Variants in DMD observed in about 807,000 individuals in gnomAD.
DMD encodes dystrophin, also known as mutant dystrophin.
In DMD, 63 loss-of-function variants were observed where a neutral mutation model predicts 330.1. The observed-to-expected ratio is 0.19, with a 90% confidence interval of 0.16 to 0.24. DMD has a LOEUF of 0.24. DMD is among the 10% of genes least tolerant of loss of function. The pLI is 1.00. For missense variants in DMD, 3,344 were observed against 2,684.1 expected, an observed-to-expected ratio of 1.25 and a Z score of -5.43; for synonymous variants, 1,223 against 959.8, an observed-to-expected ratio of 1.27 and a Z score of -5.07.
chrX:32,445,828 T>C (rs1480174782), intron 27 of DMD, among the ~76,000 whole-genome samples: 1 of 111,212 alleles, frequency 9.0e-6, no homozygotes, highest in African/African-American at 3.2e-5. Context: ...CAATAAAATA[T>C]TGAGAAATGG....
chrX:32,014,346 A>G (rs1453719638), intron 44 of DMD, among the ~76,000 whole-genome samples: 1 of 110,737 alleles, frequency 9.0e-6, no homozygotes, highest in Non-Finnish European at 1.9e-5. Context: ...GGTGATATGT[A>G]TGATTGTATG....
At chrX:33,158,147 T>C (rs1344963167) in intron 1 of DMD, among the ~76,000 whole-genome samples, 1 of 112,095 alleles carries the variant, frequency 8.9e-6, no homozygotes, top group Non-Finnish European at 1.9e-5. Flanking sequence ...TGCCTATATA[T>C]TTCTGTGTTG....
At chrX:32,464,813 G>GTC in intron 23 of DMD, 114 bp from the exon 24 acceptor site, 1 of 563,972 alleles carries the variant, frequency 1.8e-6, no homozygotes, top group African/African-American at 2.2e-5. Context: ...TTTAAAGGAT[G>GTC]TCTCTAAGTA....
intron 57 of DMD, among the ~76,000 whole-genome samples, chrX:31,488,220 G>C (rs2068971534): frequency 8.9e-6 from 1 of 112,108 alleles, no homozygotes; most frequent in Admixed American, 9.5e-5. Context: ...AGCTGACCTT[G>C]AGAGATCACT....
At chrX:32,758,062 C>T (rs2071740606) in intron 7 of DMD, among the ~76,000 whole-genome samples, 1 of 111,919 alleles carries the variant, frequency 8.9e-6, no homozygotes, top group Non-Finnish European at 1.9e-5. Context: ...GTACAGTTAC[C>T]TATTATGGTC....
intron 67 of DMD, among the ~76,000 whole-genome samples, chrX:31,195,134 T>C (rs1437701653): frequency 8.9e-6 from 1 of 112,182 alleles, no homozygotes; most frequent in African/African-American, 3.2e-5. Context: ...GTTCTGAAGA[T>C]AATGAGCAGG....
At chrX:32,610,203 C>G (rs1301666439) in intron 12 of DMD, among the ~76,000 whole-genome samples, 3 of 110,869 alleles carry the variant, frequency 2.7e-5, no homozygotes, top group Admixed American at 9.6e-5. Context: ...GTTTACTCCC[C>G]AGAAAGACTC....
At chrX:32,596,085 A>G (rs779837459) in intron 12 of DMD, among the ~76,000 whole-genome samples, 1 of 111,510 alleles carries the variant, frequency 9.0e-6, no homozygotes, top group Non-Finnish European at 1.9e-5. Context: ...AAGTATCTAG[A>G]GAAGACAAAT....
chrX:32,854,277 G>A (rs1315352119), intron 2 of DMD, among the ~76,000 whole-genome samples: 3 of 111,297 alleles, frequency 2.7e-5, no homozygotes, highest in East Asian at 5.7e-4. Context: ...GATTCTCAAG[G>A]ATGGGCCATA....
chrX:32,450,200 C>T (rs989743175), intron 26 of DMD, among the ~76,000 whole-genome samples: 1 of 110,400 alleles, frequency 9.1e-6, no homozygotes, highest in Admixed American at 9.6e-5. Context: ...GCATACAATG[C>T]GGTGGTTAAG....
intron 50 of DMD, among the ~76,000 whole-genome samples, chrX:31,776,601 G>C (rs1334017428): frequency 1.1e-5 from 1 of 91,324 alleles, no homozygotes; most frequent in Non-Finnish European, 2.2e-5. Flanking sequence ...GGGAGGGAGG[G>C]AGGGAGGAAG....
chrX:31,212,389 G>T (rs959964055), intron 64 of DMD, among the ~76,000 whole-genome samples: 10 of 109,487 alleles, frequency 9.1e-5, no homozygotes, highest in African/African-American at 3.0e-4. Flanking sequence ...GTGGGGACAG[G>T]ATAAAAGAAA....
At chrX:33,257,619 CCA>C (rs2052880357) in intron 1 of DMD, among the ~76,000 whole-genome samples, 1 of 110,947 alleles carries the variant, frequency 9.0e-6, no homozygotes, top group Admixed American at 9.6e-5. Context: ...ATCACTCCAT[CCA>C]TTAGTAATCA....
chrX:32,720,881 C>A (rs2066230697), intron 7 of DMD, among the ~76,000 whole-genome samples: 1 of 111,468 alleles, frequency 9.0e-6, no homozygotes, highest in Non-Finnish European at 1.9e-5. Flanking sequence ...ATTTCCTCAC[C>A]CTCACTACTC....
intron 2 of DMD, among the ~76,000 whole-genome samples, chrX:32,933,233 A>G (rs1258293675): frequency 4.5e-5 from 5 of 112,103 alleles, no homozygotes; most frequent in Non-Finnish European, 9.4e-5. Flanking sequence ...AGTAGAGACT[A>G]GAGATATTAA....
At chrX:32,976,941 G>A (rs2092568316) in intron 2 of DMD, among the ~76,000 whole-genome samples, 1 of 111,042 alleles carries the variant, frequency 9.0e-6, no homozygotes, top group Non-Finnish European at 1.9e-5. Flanking sequence ...AAAAGAGGGT[G>A]TTCAGTCTTA....
intron 7 of DMD, among the ~76,000 whole-genome samples, chrX:32,728,547 C>G (rs2067156312): frequency 9.0e-6 from 1 of 111,358 alleles, no homozygotes; most frequent in African/African-American, 3.3e-5. Context: ...AGGAGTAGAC[C>G]ACATAAATGT....
chrX:31,239,989 T>C (rs1008976666), intron 63 of DMD, among the ~76,000 whole-genome samples: 8 of 111,895 alleles, frequency 7.1e-5, no homozygotes, highest in Non-Finnish European at 1.3e-4. Flanking sequence ...AATTTCCCAT[T>C]TGAATAATGA....
rs190276946 is a variant in DMD at position 31,938,244 on chromosome X, T to G, written c.6615-6017A>C. Among the ~76,000 whole-genome samples the G allele has an allele frequency of 1.2e-4, 13 of 111,580 alleles. No individual in the cohort carries two copies. The East Asian group carries it at 3.7e-3, about 31-fold the overall frequency. On this transcript the variant is annotated intron_variant, in intron 45 of 78. Coordinates refer to ENST00000357033, the MANE Select transcript of DMD (RefSeq NM_004006.3). ...TTAATATTCCATACATCCTTTGGAT[T>G]GCCTTTTATATGCTTTCAATGAAGA...
Sources: gnomAD v4.1 joint callset for allele counts (sites outside exome capture counted in the v4.1 genomes callset) on GRCh38, gnomAD v4.1.1 for gene constraint, MANE v1.5 for transcripts, NCBI Gene and HGNC (gene_info 2026-07-23, HGNC 2026-07-21) for gene names.